The following ASTN2 variants were observed in gnomAD, a reference collection of about 807,000 sequenced individuals.
ASTN2 encodes astrotactin-2.
A neutral mutation model predicts 139.8 loss-of-function variants in ASTN2; 54 were observed. That is an observed-to-expected ratio of 0.39 (90% CI 0.31 to 0.48). The LOEUF (loss-of-function observed/expected upper bound fraction) is 0.48. ASTN2 is among the 20% of genes least tolerant of loss of function. The pLI is 0.95. For synonymous variants in ASTN2, 756 were observed against 719.5 expected (o/e 1.05, Z -0.81); for missense variants, 1,565 against 1,725.1 (o/e 0.91, Z 1.64).
At chr9:116,585,899 CTA>C (rs1854126608) in intron 19 of ASTN2, 1 of 152,078 alleles carries the variant, frequency 6.6e-6, no homozygotes. Flanking sequence ...AATATTCAAA[CTA>C]TGCATCCAAC....
chr9:116,712,974 G>A (rs886907172), intron 16 of ASTN2, among the ~76,000 whole-genome samples: 1 of 152,044 alleles, frequency 6.6e-6, no homozygotes, highest in African/African-American at 2.4e-5. Context: ...AGACAGTCCT[G>A]AGATGGAATC....
chr9:117,135,672 C>T (rs1829933378), intron 4 of ASTN2, among the ~76,000 whole-genome samples: 1 of 152,112 alleles, frequency 6.6e-6, no homozygotes, highest in African/African-American at 2.4e-5. Context: ...AAAAACAGTA[C>T]TGGGGCTATG....
chr9:116,621,299 A>C (rs1856133829), intron 17 of ASTN2, among the ~76,000 whole-genome samples: 1 of 152,162 alleles, frequency 6.6e-6, no homozygotes, highest in Non-Finnish European at 1.5e-5. Flanking sequence ...TTTATTTACC[A>C]AGTCAAGTAG....
intron 10 of ASTN2, among the ~76,000 whole-genome samples, chr9:116,916,802 A>C (rs2132429155): frequency 6.6e-6 from 1 of 152,346 alleles, no homozygotes; most frequent in South Asian, 2.1e-4. Flanking sequence ...ACTGAACTCC[A>C]GCCTGGGTGA....
chr9:117,375,888 G>A (rs1830109286), intron 1 of ASTN2, among the ~76,000 whole-genome samples: 2 of 152,030 alleles, frequency 1.3e-5, no homozygotes, highest in Admixed American at 6.6e-5. Context: ...AGCTCCTAGA[G>A]TTTCATTCCT....
chr9:117,232,397 C>T (rs1025815316), intron 2 of ASTN2, among the ~76,000 whole-genome samples: 1 of 152,164 alleles, frequency 6.6e-6, no homozygotes, highest in African/African-American at 2.4e-5. Flanking sequence ...TTGCATAACT[C>T]TTTCCCTTCA....
chr9:116,425,587 G>A lies in ASTN2; in HGVS notation c.*264C>T. 6.2e-7 allele frequency: 1 copy of A among 1,613,048 alleles called. No homozygotes were observed. The highest frequency in any genetic ancestry group is 8.5e-7 in the Non-Finnish European group (1 of 1,179,772). On this transcript the variant is annotated 3_prime_UTR_variant, in exon 23 of 23. Transcript: ENST00000313400. ...GGATTGACAGCCATCCATAAGAAAA[G>A]GTTTAAAAAGGAGAGACTTTTGATA...
intron 1 of ASTN2, among the ~76,000 whole-genome samples, chr9:117,325,537 C>A (rs1005336213): frequency 6.6e-6 from 1 of 152,148 alleles, no homozygotes; most frequent in Admixed American, 6.5e-5. Context: ...TCCTTTTCCC[C>A]TCTTCCCTTT....
At chr9:116,597,512 G>C (rs550527082) in intron 19 of ASTN2, among the ~76,000 whole-genome samples, 4 of 151,800 alleles carry the variant, frequency 2.6e-5, no homozygotes, top group African/African-American at 7.2e-5. Flanking sequence ...GGATGGTCTT[G>C]ATCTCCTGAC....
At chr9:117,254,215 C>T (rs186533417) in intron 2 of ASTN2, among the ~76,000 whole-genome samples, 1 of 152,240 alleles carries the variant, frequency 6.6e-6, no homozygotes, top group Non-Finnish European at 1.5e-5. Context: ...TATTGAAGCA[C>T]ATGGTGAGCA....
chr9:117,359,552 A>G (rs1324572204), intron 1 of ASTN2, among the ~76,000 whole-genome samples: 1 of 152,178 alleles, frequency 6.6e-6, no homozygotes, highest in Non-Finnish European at 1.5e-5. Context: ...GGAAAGTACC[A>G]TCAAAATAAG....
chr9:116,658,682 A>G (rs1239431017), intron 16 of ASTN2, among the ~76,000 whole-genome samples: 1 of 150,706 alleles, frequency 6.6e-6, no homozygotes, highest in African/African-American at 2.4e-5. Flanking sequence ...CCGCAAAGCC[A>G]GGTAAAATAA....
chr9:116,556,848 ACG>A (rs1181509525), intron 19 of ASTN2, among the ~76,000 whole-genome samples: 1 of 152,214 alleles, frequency 6.6e-6, no homozygotes, highest in African/African-American at 2.4e-5. Context: ...GTATATATGT[ACG>A]CACACACATA....
chr9:117,017,316 G>A (rs528218337), intron 6 of ASTN2, among the ~76,000 whole-genome samples: 1 of 152,138 alleles, frequency 6.6e-6, no homozygotes, highest in South Asian at 2.1e-4. Flanking sequence ...CCCAATTTTA[G>A]TGTTGGATTT....
intron 20 of ASTN2, among the ~76,000 whole-genome samples, chr9:116,482,841 A>C (rs1443992057): frequency 6.6e-6 from 1 of 152,186 alleles, no homozygotes; most frequent in East Asian, 1.9e-4. Flanking sequence ...AGCTGAAGCC[A>C]GGGAGGTGAG....
intron 16 of ASTN2, among the ~76,000 whole-genome samples, chr9:116,714,515 T>C (rs1281162810): frequency 6.6e-6 from 1 of 152,230 alleles, no homozygotes; most frequent in Non-Finnish European, 1.5e-5. Flanking sequence ...GTAATCACTT[T>C]ACAAACATCA....
chr9:116,994,385 C>T (rs73517422), intron 7 of ASTN2, among the ~76,000 whole-genome samples: 1,611 of 152,300 alleles, frequency 0.011, 30 homozygotes, highest in African/African-American at 0.037. Context: ...TCTGAATTTT[C>T]TTCCTGTTGA....
chr9:116,713,159 A>C (rs1828217177), intron 16 of ASTN2, among the ~76,000 whole-genome samples: 1 of 152,180 alleles, frequency 6.6e-6, no homozygotes, highest in Admixed American at 6.5e-5. Flanking sequence ...ATGGCACTCC[A>C]TTTCCACCAT....
intron 4 of ASTN2, among the ~76,000 whole-genome samples, chr9:117,104,003 G>A (rs1829045142): frequency 8.8e-6 from 1 of 114,188 alleles, no homozygotes; most frequent in African/African-American, 3.1e-5. Context: ...TTTACACAGA[G>A]GTTACTATGC....
Sources: allele counts gnomAD v4.1 joint callset (sites outside exome capture counted in the v4.1 genomes callset), GRCh38; gene constraint gnomAD v4.1.1; transcripts MANE v1.5; gene names NCBI Gene and HGNC (gene_info 2026-07-23, HGNC 2026-07-21).